SIPA1L2: variants seen among roughly 807,000 people sequenced by gnomAD.
SIPA1L2 encodes the protein signal-induced proliferation-associated 1-like protein 2.
A neutral mutation model predicts 163.9 loss-of-function variants in SIPA1L2; 56 were observed. That is an observed-to-expected ratio of 0.34 (90% CI 0.28 to 0.43). The LOEUF is 0.43. SIPA1L2 is among the 20% of genes least tolerant of loss of function. SIPA1L2 has a pLI of 1.00. For synonymous variants in SIPA1L2, 877 were observed against 865.7 expected (o/e 1.01, Z -0.23); for missense variants, 1,974 against 2,193.5 (o/e 0.90, Z 2.00).
At chr1:232,456,065 A>G (rs1342772645) in intron 10 of SIPA1L2, among the ~76,000 whole-genome samples, 3 of 152,142 alleles carry the variant, frequency 2.0e-5, no homozygotes. Context: ...TAATTTACCC[A>G]CGTAACACAC....
At chr1:232,423,000 AAATTTTG>A (rs1287542864) in intron 18 of SIPA1L2, among the ~76,000 whole-genome samples, 1 of 152,176 alleles carries the variant, frequency 6.6e-6, no homozygotes, top group African/African-American at 2.4e-5. Flanking sequence ...ATCATAATTC[AAATTTTG>A]AATTTTGAAC....
At chr1:232,479,525 C>A in intron 7 of SIPA1L2, 102 bp downstream of exon 7, 1 of 903,900 alleles carries the variant, frequency 1.1e-6, no homozygotes, top group Non-Finnish European at 1.8e-6. Context: ...CAAGAAAAAC[C>A]CTCACTGATT....
intron 9 of SIPA1L2, 93 bp downstream of exon 9, chr1:232,464,747 G>T: frequency 3.0e-6 from 3 of 998,440 alleles, no homozygotes; most frequent in Non-Finnish European, 4.4e-6. Flanking sequence ...TCCCTAATTG[G>T]TATAATCATG....
At chr1:232,403,377 G>T in intron 21 of SIPA1L2, 71 bp downstream of exon 21, 1 of 1,565,592 alleles carries the variant, frequency 6.4e-7, no homozygotes, top group Non-Finnish European at 8.7e-7. Context: ...CTCAGGGTTA[G>T]TCGGTTAGCC....
chr1:232,624,977 G>T (rs552478522), intron 1 of SIPA1L2, among the ~76,000 whole-genome samples: 94 of 152,320 alleles, frequency 6.2e-4, no homozygotes, highest in African/African-American at 2.0e-3. Flanking sequence ...ACAGATCACA[G>T]TGTGACCCTA....
At chr1:232,594,421 G>A (rs1315399134) in intron 1 of SIPA1L2, among the ~76,000 whole-genome samples, 1 of 152,080 alleles carries the variant, frequency 6.6e-6, no homozygotes, top group African/African-American at 2.4e-5. Flanking sequence ...CAGGAGAGAC[G>A]TGAGTGAACA....
chr1:232,545,713 A>AG (rs965258129), intron 2 of SIPA1L2, among the ~76,000 whole-genome samples: 2 of 152,216 alleles, frequency 1.3e-5, no homozygotes, highest in African/African-American at 4.8e-5. Flanking sequence ...ACAGCCTTCT[A>AG]GTTTTCTAAT....
chr1:232,447,018 T>C (rs1243139974), intron 10 of SIPA1L2, among the ~76,000 whole-genome samples: 2 of 152,206 alleles, frequency 1.3e-5, no homozygotes, highest in East Asian at 1.9e-4. Context: ...CAACTTTACA[T>C]TTTACGAAAT....
At chr1:232,447,526 G>A (rs559695671) in intron 10 of SIPA1L2, among the ~76,000 whole-genome samples, 14 of 152,336 alleles carry the variant, frequency 9.2e-5, no homozygotes, top group African/African-American at 2.9e-4. Context: ...CAGATGCCCC[G>A]ACAGAGAATG....
At chr1:232,487,306 A>T (rs1665689455) in intron 5 of SIPA1L2, among the ~76,000 whole-genome samples, 2 of 152,204 alleles carry the variant, frequency 1.3e-5, no homozygotes, top group Admixed American at 6.5e-5. Context: ...TGTCTCGAGC[A>T]TATCTTTGAG....
intron 2 of SIPA1L2, among the ~76,000 whole-genome samples, chr1:232,555,451 A>C (rs891801917): frequency 2.6e-5 from 4 of 152,228 alleles, no homozygotes; most frequent in African/African-American, 9.7e-5. Flanking sequence ...GAATTCCCCA[A>C]GACAGACTAA....
rs16857291 is a variant in SIPA1L2, at chr1:232,471,319, G to A, written c.2243+52C>T. On this transcript the variant is annotated intron_variant, in intron 8 of 22. Transcript: ENST00000674635. ...AACAAAGATATTTTTGGGAAAAGAC[G>A]CCCTGTTGAAATAAACCTGGGAGAA... 46,811 of 1,541,286 alleles carry A rather than the reference G, an allele frequency of 0.03. 8,006 individuals are homozygous for A. The East Asian group carries it at 0.58, about 19-fold the overall frequency.
rs75191699 is a variant in SIPA1L2, at chr1:232,584,509, A to T, written c.-318-10287T>A. Among the ~76,000 whole-genome samples the T allele has an allele frequency of 3.2e-4, 48 of 152,286 alleles. No homozygotes were observed. The East Asian group carries it at 4.1e-3, about 13-fold the overall frequency. ...ATCATATTTCTGCACAGCTGACCAT[A>T]CTTTGTTGAACCTAAGCATAAAAAT... On this transcript the variant is annotated intron_variant, in intron 1 of 22. Transcript: ENST00000674635.
intron 6 of SIPA1L2, among the ~76,000 whole-genome samples, chr1:232,481,686 C>T (rs1454638653): frequency 1.3e-5 from 2 of 152,146 alleles, no homozygotes; most frequent in Non-Finnish European, 2.9e-5. Context: ...ATTCTCTGCA[C>T]CTAGCTCAAT....
In SIPA1L2 at chr1:232,515,520, T is replaced by A; in HGVS notation, c.-181A>T. The A allele has an allele frequency of 1.7e-6, 1 of 603,536 alleles. No homozygotes were observed. 37.4% of individuals were successfully genotyped at this position (603,536 alleles called of 1,614,324 possible). ...TACAGTTTCTTCAAAGCCAACTTGC[T>A]TCTCTGTTGTCGTAATAATGTTGTA... On this transcript the variant is annotated 5_prime_UTR_variant, in exon 3 of 23. In the 5' UTR this introduces an upstream ATG that the reference lacks. Coordinates refer to ENST00000674635, the MANE Select transcript of SIPA1L2 (RefSeq NM_020808.5).
chr1:232,518,651 C>T (rs1667318742), intron 2 of SIPA1L2, among the ~76,000 whole-genome samples: 1 of 152,140 alleles, frequency 6.6e-6, no homozygotes, highest in Non-Finnish European at 1.5e-5. Flanking sequence ...CATTCATGAT[C>T]ATCTCTCTCC....
intron 15 of SIPA1L2, among the ~76,000 whole-genome samples, chr1:232,433,895 G>A (rs1026974852): frequency 6.6e-6 from 1 of 152,150 alleles, no homozygotes; most frequent in Non-Finnish European, 1.5e-5. Context: ...CCCTGGGCAA[G>A]TTTCTTAACC....
chr1:232,527,630 AAAAAAAGG>A (rs1175070832), intron 2 of SIPA1L2, among the ~76,000 whole-genome samples: 2 of 152,182 alleles, frequency 1.3e-5, no homozygotes, highest in East Asian at 1.9e-4. Context: ...TTACCTGAAG[AAAAAAAGG>A]AAAAAAGAAT....
chr1:232,458,356 C>T (rs1370162245), intron 10 of SIPA1L2, among the ~76,000 whole-genome samples: 1 of 152,224 alleles, frequency 6.6e-6, no homozygotes, highest in Non-Finnish European at 1.5e-5. Flanking sequence ...AAAAAGATAA[C>T]AGCTGCTGGA....
Sources: allele counts gnomAD v4.1 joint callset (sites outside exome capture counted in the v4.1 genomes callset), GRCh38; gene constraint gnomAD v4.1.1; transcripts MANE v1.5; gene names NCBI Gene and HGNC (gene_info 2026-07-23, HGNC 2026-07-21).